Variants in OPCML observed in about 807,000 individuals in gnomAD.
The protein encoded by OPCML is opioid binding protein/cell adhesion molecule like, also known as opioid-binding protein/cell adhesion molecule.
In OPCML, 13 loss-of-function variants were observed where a neutral mutation model predicts 37.8. The ratio of observed to expected loss-of-function variants is 0.34; its 90% CI spans 0.22 to 0.55. The LOEUF (loss-of-function observed/expected upper bound fraction) is 0.55. Among genes scored for constraint, OPCML ranks in the 20% least tolerant of loss-of-function variants. OPCML has a pLI of 0.91. For synonymous variants in OPCML, 176 were observed against 168.8 expected (o/e 1.04, Z -0.33); for missense variants, 341 against 435.6 (o/e 0.78, Z 1.93).
chr11:132,854,420 T>C (rs1014104690), intron 2 of OPCML, among the ~76,000 whole-genome samples: 1 of 152,194 alleles, frequency 6.6e-6, no homozygotes, highest in Admixed American at 6.5e-5. Flanking sequence ...ATCAAATCAA[T>C]GTTTAGGTCC....
intron 1 of OPCML, among the ~76,000 whole-genome samples, chr11:132,990,063 G>A (rs567672951): frequency 2.6e-5 from 4 of 152,290 alleles, no homozygotes; most frequent in South Asian, 2.1e-4. Context: ...GCCACCCTGC[G>A]TAGGAACATA....
intron 3 of OPCML, among the ~76,000 whole-genome samples, chr11:132,627,877 A>G (rs1048159790): frequency 2.6e-5 from 4 of 152,210 alleles, no homozygotes; most frequent in African/African-American, 7.2e-5. Flanking sequence ...AGAGTTTGGT[A>G]AGACTAAGGT....
intron 2 of OPCML, among the ~76,000 whole-genome samples, chr11:132,906,384 C>T (rs978725470): frequency 6.6e-6 from 1 of 152,072 alleles, no homozygotes; most frequent in Admixed American, 6.5e-5. Flanking sequence ...AACAGTCAGC[C>T]CTGAGGGGCC....
At chr11:133,282,910 C>T (rs1472820388) in intron 1 of OPCML, among the ~76,000 whole-genome samples, 1 of 152,194 alleles carries the variant, frequency 6.6e-6, no homozygotes, top group Non-Finnish European at 1.5e-5. Flanking sequence ...CTGCCCCTTC[C>T]TGTTGGACAA....
chr11:133,111,541 C>A (rs1279951099), intron 1 of OPCML, among the ~76,000 whole-genome samples: 30 of 152,120 alleles, frequency 2.0e-4, no homozygotes, highest in Non-Finnish European at 1.0e-4. Flanking sequence ...TCAACAGCTC[C>A]ATGGACACAG....
intron 3 of OPCML, among the ~76,000 whole-genome samples, chr11:132,651,814 C>T (rs934671841): frequency 2.0e-5 from 3 of 152,134 alleles, no homozygotes; most frequent in African/African-American, 7.2e-5. Context: ...TGCTGTGGAG[C>T]CTCCTATGTA....
At chr11:133,465,485 A>T (rs147362114) in intron 1 of OPCML, among the ~76,000 whole-genome samples, 1 of 152,210 alleles carries the variant, frequency 6.6e-6, no homozygotes, top group Non-Finnish European at 1.5e-5. Context: ...CATTTGTCCA[A>T]CTTTCCGAGT....
At chr11:132,717,823 G>A (rs376160188) in intron 2 of OPCML, among the ~76,000 whole-genome samples, 2 of 152,114 alleles carry the variant, frequency 1.3e-5, no homozygotes, top group East Asian at 1.9e-4. Context: ...GGAAGTCTGC[G>A]ATTTTTTGAA....
At chr11:132,993,123 A>G (rs940981566) in intron 1 of OPCML, among the ~76,000 whole-genome samples, 16 of 152,178 alleles carry the variant, frequency 1.1e-4, no homozygotes, top group African/African-American at 3.9e-4. Flanking sequence ...TTTCAAGAGC[A>G]TGCACGTTAC....
At chr11:133,181,566 C>A (rs1259402962) in intron 1 of OPCML, among the ~76,000 whole-genome samples, 1 of 152,106 alleles carries the variant, frequency 6.6e-6, no homozygotes, top group African/African-American at 2.4e-5. Flanking sequence ...CAGGGTGATC[C>A]TTCCTTCCTT....
At chr11:133,305,446 AT>A (rs1273798683) in intron 1 of OPCML, among the ~76,000 whole-genome samples, 1 of 152,220 alleles carries the variant, frequency 6.6e-6, no homozygotes, top group Non-Finnish European at 1.5e-5. Context: ...AAATAAACAT[AT>A]CATAAAATAC....
At chr11:132,945,207 T>C (rs1483711368) in intron 1 of OPCML, among the ~76,000 whole-genome samples, 1 of 152,208 alleles carries the variant, frequency 6.6e-6, no homozygotes, top group Non-Finnish European at 1.5e-5. Context: ...CTGAGAACTG[T>C]CTTTAGGAGA....
chr11:133,284,306 G>A (rs1942240111), intron 1 of OPCML, among the ~76,000 whole-genome samples: 3 of 152,220 alleles, frequency 2.0e-5, no homozygotes, highest in Non-Finnish European at 1.5e-5. Context: ...TCTGGCTGTT[G>A]CAAGCTCTTA....
intron 1 of OPCML, among the ~76,000 whole-genome samples, chr11:133,397,235 T>C (rs565249559): frequency 6.6e-6 from 1 of 152,218 alleles, no homozygotes; most frequent in Non-Finnish European, 1.5e-5. Context: ...ATGGTCTATG[T>C]CTCTTCCTTT....
intron 2 of OPCML, among the ~76,000 whole-genome samples, chr11:132,815,031 G>A (rs1939550918): frequency 1.3e-5 from 2 of 152,248 alleles, no homozygotes; most frequent in African/African-American, 4.8e-5. Context: ...TCCCCAAAGA[G>A]CTTAGTTTCA....
At chr11:133,331,218 CCCCACTTG>C (rs1374496361) in intron 1 of OPCML, among the ~76,000 whole-genome samples, 2 of 152,200 alleles carry the variant, frequency 1.3e-5, no homozygotes, top group Admixed American at 6.5e-5. Flanking sequence ...TGAAACCAAA[CCCCACTTG>C]CCTGCTGGCC....
chr11:132,756,243 G>T (rs879583096), intron 2 of OPCML, among the ~76,000 whole-genome samples: 8 of 152,198 alleles, frequency 5.3e-5, no homozygotes, highest in Non-Finnish European at 1.0e-4. Context: ...TCGGATGCTA[G>T]TGATGCTCCC....
chr11:133,525,575 A>C (rs912754266), intron 1 of OPCML, among the ~76,000 whole-genome samples: 1 of 152,246 alleles, frequency 6.6e-6, no homozygotes, highest in Non-Finnish European at 1.5e-5. Context: ...CCTACCTCAC[A>C]GTCTCTTAGT....
chr11:132,940,878 A>G (rs1945553167), intron 2 of OPCML, among the ~76,000 whole-genome samples: 1 of 152,210 alleles, frequency 6.6e-6, no homozygotes, highest in African/African-American at 2.4e-5. Flanking sequence ...GAAGGAAGAA[A>G]ATAATAAAAG....
Sources: gnomAD v4.1 joint callset for allele counts (sites outside exome capture counted in the v4.1 genomes callset) on GRCh38, gnomAD v4.1.1 for gene constraint, MANE v1.5 for transcripts, NCBI Gene and HGNC (gene_info 2026-07-23, HGNC 2026-07-21) for gene names.